The following SLC14A2 variants were observed in gnomAD, a reference collection of about 807,000 sequenced individuals.
SLC14A2 encodes urea transporter 2.
SLC14A2 carries 91 observed loss-of-function variants against 104.6 expected under a neutral mutation model. That is an observed-to-expected ratio of 0.87 (90% confidence interval 0.73 to 1.04). SLC14A2 has a LOEUF of 1.04. Among genes scored for constraint, SLC14A2 ranks in the 50% least tolerant of loss-of-function variants. The probability of loss-of-function intolerance (pLI) is 0.00; values close to 1 mark genes in which losing one functional copy is unlikely to be tolerated. For synonymous variants in SLC14A2, 476 were observed against 466.4 expected, an observed-to-expected ratio of 1.02 and a Z score of -0.27; for missense variants, 1,189 against 1,156.0, an observed-to-expected ratio of 1.03 and a Z score of -0.41.
intron 2 of SLC14A2, among the ~76,000 whole-genome samples, chr18:45,542,035 G>GTTTGTTTTTT (rs2043891585): frequency 3.7e-5 from 2 of 54,206 alleles, no homozygotes; most frequent in Admixed American, 2.2e-4. Flanking sequence ...AAGAGAGAGG[G>GTTTGTTTTTT]TTTTTTTTTT....
intron 2 of SLC14A2, among the ~76,000 whole-genome samples, chr18:45,563,537 A>G (rs1359045562): frequency 6.6e-6 from 1 of 152,256 alleles, no homozygotes; most frequent in Admixed American, 6.5e-5. Context: ...AAAATCTAAA[A>G]TAACTGTCTG....
At chr18:45,661,347 G>A (rs1159641804) in intron 10 of SLC14A2, among the ~76,000 whole-genome samples, 2 of 152,196 alleles carry the variant, frequency 1.3e-5, no homozygotes, top group Non-Finnish European at 2.9e-5. Context: ...GATATATGAA[G>A]AATAACATTG....
At chr18:45,266,286 G>A (rs951431728) in intron 1 of SLC14A2, among the ~76,000 whole-genome samples, 7 of 152,106 alleles carry the variant, frequency 4.6e-5, no homozygotes, top group Middle Eastern at 3.2e-3. Context: ...ACCTGTGCTG[G>A]TGCATCTAAT....
intron 1 of SLC14A2, among the ~76,000 whole-genome samples, chr18:45,428,790 A>G (rs2086471895): frequency 6.6e-6 from 1 of 152,252 alleles, no homozygotes. Context: ...AAGAAGAAAC[A>G]TTAAAGAAAA....
chr18:45,313,120 C>G (rs554883510), intron 1 of SLC14A2, among the ~76,000 whole-genome samples: 31 of 152,334 alleles, frequency 2.0e-4, no homozygotes, highest in African/African-American at 7.0e-4. Flanking sequence ...GGAGCTTTCA[C>G]TGGGGCAAAT....
chr18:45,405,860 C>T (rs1227446461), intron 1 of SLC14A2, among the ~76,000 whole-genome samples: 1 of 148,186 alleles, frequency 6.7e-6, no homozygotes, highest in Non-Finnish European at 1.5e-5. Context: ...AATCTCGCCA[C>T]TGCACTCCAG....
At chr18:45,178,873 A>G in the SLC14A2 span, among the ~76,000 whole-genome samples, 1 of 152,186 alleles carries the variant, frequency 6.6e-6, no homozygotes, top group African/African-American at 2.4e-5. Flanking sequence ...TTAATAAAAT[A>G]TTTTTGAGCT....
At chr18:45,234,065 C>T (rs1057300971) in intron 1 of SLC14A2, among the ~76,000 whole-genome samples, 3 of 151,382 alleles carry the variant, frequency 2.0e-5, no homozygotes, top group African/African-American at 7.3e-5. Context: ...CACACTATAC[C>T]TCCAGCCAGA....
chr18:45,175,048 T>C, the SLC14A2 span, among the ~76,000 whole-genome samples: 1 of 152,168 alleles, frequency 6.6e-6, no homozygotes, highest in African/African-American at 2.4e-5. Flanking sequence ...ACAACCCCGA[T>C]GAAGGGCAAT....
At chr18:45,176,676 C>G in the SLC14A2 span, among the ~76,000 whole-genome samples, 1 of 152,178 alleles carries the variant, frequency 6.6e-6, no homozygotes, top group African/African-American at 2.4e-5. Flanking sequence ...CCTGTGGCTG[C>G]ATTCACACAC....
In SLC14A2 at chr18:45,528,577, AAC is replaced by A. The variant is rs60282529; in HGVS notation, c.-35+45284_-35+45285del. 1,389 of 146,360 alleles carry A rather than the reference AAC, an allele frequency of 9.5e-3. 17 individuals carry two copies. Among genetic ancestry groups the A allele is most frequent in the African/African-American group, 0.027 (1,082 of 39,868 alleles). The allele number at this position is 146,360 out of a possible 1,614,324, so 9.1% of individuals were successfully genotyped here. A position where few individuals can be genotyped will look rare whatever the true frequency, so the allele number is the denominator to read the frequency against. ...ATTTTTCCACCTCCCCCCGAATTAA[AAC>A]ACACACACACACACACACACACACA... On this transcript the variant is annotated intron_variant, in intron 2 of 20. Coordinates refer to the SLC14A2 transcript ENST00000586448.
chr18:45,644,353 A>G (rs138083972), intron 10 of SLC14A2, 193 bp downstream of exon 10: 3 of 525,272 alleles, frequency 5.7e-6, no homozygotes, highest in South Asian at 3.9e-5. Context: ...CTCCATAACT[A>G]TCTATTGTGC....
intron 2 of SLC14A2, among the ~76,000 whole-genome samples, chr18:45,559,766 C>T (rs762854880): frequency 2.6e-5 from 4 of 152,244 alleles, no homozygotes; most frequent in Non-Finnish European, 5.9e-5. Flanking sequence ...GACTAGATTA[C>T]TAACATCCAA....
At chr18:45,487,875 T>C (rs748086029) in intron 2 of SLC14A2, among the ~76,000 whole-genome samples, 3 of 152,188 alleles carry the variant, frequency 2.0e-5, no homozygotes, top group Non-Finnish European at 2.9e-5. Flanking sequence ...TTGGGGAGAA[T>C]TGCTGGTGTA....
intron 1 of SLC14A2, among the ~76,000 whole-genome samples, chr18:45,444,464 G>A (rs567770282): frequency 1.3e-5 from 2 of 152,284 alleles, no homozygotes; most frequent in African/African-American, 4.8e-5. Context: ...CCCAGCATAG[G>A]TTTCTTCCTG....
chr18:45,230,676 T>C (rs1481639337), intron 1 of SLC14A2, among the ~76,000 whole-genome samples: 1 of 152,228 alleles, frequency 6.6e-6, no homozygotes, highest in Admixed American at 6.5e-5. Flanking sequence ...TTGGGGGCCA[T>C]TATTCTGCCT....
chr18:45,553,994 C>T lies in SLC14A2; in HGVS notation c.-34-70637C>T, dbSNP rs182074338. On this transcript the variant is annotated intron_variant, in intron 2 of 20. Coordinates refer to the SLC14A2 transcript ENST00000586448. ...ATCATTCCAAATGAACTCATGTATT[C>T]GGAGCAAAACTAAATAAATAAAAAA... Among the ~76,000 whole-genome samples, 107 of 152,244 alleles carry T rather than the reference C, an allele frequency of 7.0e-4. 2 individuals are homozygous for T. In the South Asian group the frequency reaches 0.016, roughly 23 times the overall value.
intron 18 of SLC14A2, among the ~76,000 whole-genome samples, chr18:45,676,583 G>T (rs1334150178): frequency 6.6e-6 from 1 of 152,168 alleles, no homozygotes; most frequent in African/African-American, 2.4e-5. Context: ...ATTTTTCTGT[G>T]TCATACCTGA....
At chr18:45,186,796 T>A in the SLC14A2 span, among the ~76,000 whole-genome samples, 2 of 152,194 alleles carry the variant, frequency 1.3e-5, no homozygotes, top group African/African-American at 4.8e-5. Context: ...TAACCTACTG[T>A]GAGAGGAAGA....
Sources: allele counts gnomAD v4.1 joint callset (sites outside exome capture counted in the v4.1 genomes callset), GRCh38; gene constraint gnomAD v4.1.1; transcripts MANE v1.5; gene names NCBI Gene and HGNC (gene_info 2026-07-23, HGNC 2026-07-21).